Variants in NPAS3 observed in about 807,000 individuals in gnomAD.
NPAS3 encodes the protein neuronal PAS domain-containing protein 3.
NPAS3 carries 14 observed loss-of-function variants against 73.1 expected under a neutral mutation model. The ratio of observed to expected loss-of-function variants is 0.19; its 90% confidence interval spans 0.13 to 0.30. The LOEUF (loss-of-function observed/expected upper bound fraction) is 0.30, where lower values mean the gene tolerates loss of function less well. NPAS3 is among the 10% of genes least tolerant of loss of function. The probability of loss-of-function intolerance (pLI) is 1.00; values close to 1 mark genes in which losing one functional copy is unlikely to be tolerated. For missense variants in NPAS3, 1,096 were observed against 1,250.0 expected (o/e 0.88, Z 1.86); for synonymous variants, 620 against 541.5 (o/e 1.14, Z -2.01).
chr14:32,961,648 T>C (rs993970374), intron 1 of NPAS3, among the ~76,000 whole-genome samples: 1 of 152,124 alleles, frequency 6.6e-6, no homozygotes, highest in African/African-American at 2.4e-5. Flanking sequence ...CTCATCATCC[T>C]TGTCACCATG....
intron 6 of NPAS3, among the ~76,000 whole-genome samples, chr14:33,731,834 G>C (rs941922853): frequency 1.3e-5 from 2 of 152,206 alleles, no homozygotes; most frequent in Admixed American, 6.5e-5. Context: ...TTGAGACCTT[G>C]AGATTGAGCC....
chr14:33,755,810 G>A (rs2062097102), intron 7 of NPAS3, among the ~76,000 whole-genome samples: 1 of 152,046 alleles, frequency 6.6e-6, no homozygotes, highest in African/African-American at 2.4e-5. Flanking sequence ...TTCAACTTCT[G>A]GTGAGACATC....
At chr14:33,743,522 TAGCATAATTCTTAAA>T (rs1201200947) in intron 7 of NPAS3, among the ~76,000 whole-genome samples, 3 of 152,230 alleles carry the variant, frequency 2.0e-5, no homozygotes, top group East Asian at 1.9e-4. Context: ...AGACTAGATT[TAGCATAATTCTTAAA>T]AGCATAATTC....
intron 7 of NPAS3, among the ~76,000 whole-genome samples, chr14:33,738,230 G>T (rs547639736): frequency 6.6e-6 from 1 of 152,214 alleles, no homozygotes; most frequent in African/African-American, 2.4e-5. Flanking sequence ...GAAATACTTT[G>T]CCCATTTTCA....
At chr14:33,390,372 G>A (rs1487165114) in intron 4 of NPAS3, among the ~76,000 whole-genome samples, 1 of 152,124 alleles carries the variant, frequency 6.6e-6, no homozygotes, top group Non-Finnish European at 1.5e-5. Context: ...TGAGAGAAAG[G>A]TAGAAGATGA....
intron 2 of NPAS3, among the ~76,000 whole-genome samples, chr14:33,071,050 T>G (rs2041468466): frequency 6.6e-6 from 1 of 152,146 alleles, no homozygotes; most frequent in Non-Finnish European, 1.5e-5. Flanking sequence ...TTTTCCTAGG[T>G]TTGTTCTACG....
intron 4 of NPAS3, among the ~76,000 whole-genome samples, chr14:33,463,490 G>T (rs895015189): frequency 1.3e-5 from 2 of 152,044 alleles, no homozygotes; most frequent in African/African-American, 4.8e-5. Flanking sequence ...TAATTCTCAA[G>T]GCTAATAATT....
chr14:33,559,419 T>C (rs140854706), intron 4 of NPAS3, among the ~76,000 whole-genome samples: 2 of 152,340 alleles, frequency 1.3e-5, no homozygotes, highest in African/African-American at 4.8e-5. Flanking sequence ...TTGCTCTTGA[T>C]ATAGGAAGCC....
intron 6 of NPAS3, among the ~76,000 whole-genome samples, chr14:33,682,215 T>C (rs752566188): frequency 5.3e-5 from 8 of 152,208 alleles, no homozygotes; most frequent in Non-Finnish European, 7.3e-5. Context: ...TGATCTCTGA[T>C]GGATTGATTT....
chr14:33,089,974 G>T (rs2042169093), intron 2 of NPAS3, among the ~76,000 whole-genome samples: 2 of 152,130 alleles, frequency 1.3e-5, no homozygotes, highest in African/African-American at 4.8e-5. Flanking sequence ...CACCAGGTCT[G>T]CCCTACAAGA....
At chr14:33,059,962 A>G (rs1310701228) in intron 2 of NPAS3, among the ~76,000 whole-genome samples, 1 of 151,932 alleles carries the variant, frequency 6.6e-6, no homozygotes, top group Non-Finnish European at 1.5e-5. Flanking sequence ...TTTTGTTTTT[A>G]GTAGAGGACA....
intron 2 of NPAS3, among the ~76,000 whole-genome samples, chr14:33,058,048 G>C (rs1471569150): frequency 6.6e-6 from 1 of 151,856 alleles, no homozygotes; most frequent in East Asian, 1.9e-4. Flanking sequence ...TATTATATAA[G>C]GAGTATGTTT....
At chr14:33,016,092 T>G (rs1433044253) in intron 1 of NPAS3, among the ~76,000 whole-genome samples, 1 of 152,114 alleles carries the variant, frequency 6.6e-6, no homozygotes, top group African/African-American at 2.4e-5. Flanking sequence ...AAATTGATGC[T>G]TTGCCCTAAA....
At chr14:33,197,895 G>T (rs1048928532) in intron 2 of NPAS3, among the ~76,000 whole-genome samples, 1 of 152,220 alleles carries the variant, frequency 6.6e-6, no homozygotes, top group Non-Finnish European at 1.5e-5. Flanking sequence ...CGCGGTGAGT[G>T]TTACAGTTCT....
chr14:33,801,069 G>A, exon 12 of NPAS3: 1 of 1,593,368 alleles, frequency 6.3e-7, no homozygotes. Flanking sequence ...TACAGCAACG[G>A]CATCCACGCG....
intron 1 of NPAS3, among the ~76,000 whole-genome samples, chr14:32,994,705 C>T (rs1355388732): frequency 6.8e-6 from 1 of 148,086 alleles, no homozygotes; most frequent in African/African-American, 2.5e-5. Context: ...GATCTCAGCT[C>T]ACTGTAACCT....
chr14:33,370,687 G>C (rs1196880780), intron 4 of NPAS3, among the ~76,000 whole-genome samples: 1 of 152,142 alleles, frequency 6.6e-6, no homozygotes, highest in Non-Finnish European at 1.5e-5. Flanking sequence ...TGTTACCAGA[G>C]TTCAAGAAAA....
intron 1 of NPAS3, among the ~76,000 whole-genome samples, chr14:32,946,348 GCA>G (rs3057257): frequency 0.039 from 5,470 of 139,238 alleles, 119 homozygotes; most frequent in African/African-American, 0.052. Flanking sequence ...ACACACACGC[GCA>G]CACACACACA....
At chr14:33,746,069 C>T (rs190892828) in intron 7 of NPAS3, among the ~76,000 whole-genome samples, 417 of 152,236 alleles carry the variant, frequency 2.7e-3, no homozygotes, top group African/African-American at 3.3e-3. Flanking sequence ...ACTGAACCTG[C>T]GGGGAAGGCA....
Sources: gnomAD v4.1 joint callset for allele counts (sites outside exome capture counted in the v4.1 genomes callset) on GRCh38, gnomAD v4.1.1 for gene constraint, MANE v1.5 for transcripts, NCBI Gene and HGNC (gene_info 2026-07-23, HGNC 2026-07-21) for gene names.